PDE4C: variants seen among roughly 807,000 people sequenced by gnomAD.
PDE4C encodes the protein phosphodiesterase 4C.
PDE4C carries 50 observed loss-of-function variants against 63.9 expected under a neutral mutation model. The ratio of observed to expected loss-of-function variants is 0.78; its 90% CI spans 0.62 to 0.99. PDE4C has a LOEUF of 0.99. Ranked by LOEUF, PDE4C falls within the 50% of genes least tolerant of loss-of-function variation. PDE4C has a pLI of 0.00. For synonymous variants in PDE4C, 377 were observed against 385.1 expected, an observed-to-expected ratio of 0.98 and a Z score of 0.25; for missense variants, 777 against 899.1, an observed-to-expected ratio of 0.86 and a Z score of 1.74.
At chr19:18,224,145 C>G in intron 1 of PDE4C, 2 of 945,112 alleles carry the variant, frequency 2.1e-6, no homozygotes, top group Non-Finnish European at 2.5e-6. Context: ...ACCCTCAAAC[C>G]CTGTCTTTCC....
At chr19:18,245,384 C>A (rs934557645) in intron 1 of PDE4C, among the ~76,000 whole-genome samples, 6 of 152,020 alleles carry the variant, frequency 3.9e-5, no homozygotes, top group African/African-American at 1.4e-4. Flanking sequence ...AGGCTGGTCT[C>A]AAACTCCTGT....
At position 18,241,519 on chromosome 19, in the gene PDE4C, G is replaced by A. The variant is rs374994814; in HGVS notation, c.-210+6652C>T. Among the ~76,000 whole-genome samples the A allele has an allele frequency of 4.6e-4, 70 of 151,236 alleles. 1 individual carries two copies. The highest frequency in any genetic ancestry group is 1.6e-3 in the African/African-American group (65 of 41,150). ...CCTGACCTCATGATCTGCCCGCCTC[G>A]GCCTCCCAAAGTGCTGGGATTACAG... On this transcript the variant is annotated intron_variant, in intron 1 of 15. Coordinates refer to the PDE4C transcript ENST00000594617.
rs1969062426 is a variant in PDE4C at position 18,242,650 on chromosome 19, T to G, written c.-210+5521A>C. Among the ~76,000 whole-genome samples, 4 of 151,104 alleles carry G rather than the reference T, an allele frequency of 2.6e-5. No individual in the cohort carries two copies. The South Asian group carries it at 8.4e-4, about 32-fold the overall frequency. On this transcript the variant is annotated intron_variant, in intron 1 of 15. Transcript: ENST00000594617. ...TACAAAAAAAAATAGCCAGGCATGG[T>G]GGCATGGGGCAGTAATCCCAGCTAC...
chr19:18,217,809 A>G (rs951050151), intron 11 of PDE4C, among the ~76,000 whole-genome samples: 5 of 152,086 alleles, frequency 3.3e-5, no homozygotes, highest in African/African-American at 1.2e-4. Flanking sequence ...AGGCTAGACA[A>G]TCGCTTGAAC....
At chr19:18,238,086 A>G (rs528025187), upstream of PDE4C, among the ~76,000 whole-genome samples, 69 of 152,028 alleles carry the variant, frequency 4.5e-4, no homozygotes, top group African/African-American at 1.6e-3. Context: ...TTAGCCAGGC[A>G]TCGTGGTGTA....
At chr19:18,226,348 G>A (rs1171308021) in exon 1 of PDE4C, 2 of 1,527,084 alleles carry the variant, frequency 1.3e-6, no homozygotes, top group Non-Finnish European at 1.8e-6. Flanking sequence ...GAGCCCGGGG[G>A]AGCCGCGCGG....
upstream of PDE4C, among the ~76,000 whole-genome samples, chr19:18,249,566 C>T (rs1321730484): frequency 1.4e-5 from 2 of 143,524 alleles, no homozygotes; most frequent in Middle Eastern, 3.3e-3. Context: ...TAAGCCACTA[C>T]GCCTGGCCCT....
upstream of PDE4C, among the ~76,000 whole-genome samples, chr19:18,252,649 G>A (rs954445545): frequency 4.7e-5 from 7 of 148,858 alleles, no homozygotes; most frequent in Non-Finnish European, 8.9e-5. Context: ...ATGGCGTCTC[G>A]CTCTGTCACC....
Position 18,226,457 on chromosome 19 carries a change from G to A in PDE4C, c.-42C>T, listed in dbSNP as rs926399420. On this transcript the variant is annotated 5_prime_UTR_variant, in exon 1 of 15. Transcript: ENST00000262805. ...AGGCTGGACCGAGCGCCGGCTGCGC[G>A]GGACCTTTTCTGGACAGCTGCGGGG... The A allele has an allele frequency of 1.5e-6, 2 of 1,354,380 alleles. No individual in the cohort carries two copies. Among genetic ancestry groups the A allele is most frequent in the Non-Finnish European group, 1.9e-6 (2 of 1,058,570 alleles). The allele number at this position is 1,354,380 out of a possible 1,614,324, so 83.9% of individuals were successfully genotyped here.
chr19:18,249,032 A>C (rs1969191093), upstream of PDE4C, among the ~76,000 whole-genome samples: 1 of 151,230 alleles, frequency 6.6e-6, no homozygotes, highest in South Asian at 2.1e-4. Context: ...TCTTATTAAA[A>C]AAAAAAAAAA....
At chr19:18,241,562 C>T (rs182002918) in intron 1 of PDE4C, among the ~76,000 whole-genome samples, 20 of 149,644 alleles carry the variant, frequency 1.3e-4, no homozygotes, top group African/African-American at 2.5e-4. Flanking sequence ...CCACCGCGCC[C>T]GGCCAAGACA....
chr19:18,242,923 A>C (rs1040785619), intron 1 of PDE4C, among the ~76,000 whole-genome samples: 38 of 151,824 alleles, frequency 2.5e-4, no homozygotes, highest in Non-Finnish European at 4.0e-4. Flanking sequence ...CTACTTGGGG[A>C]TCACAGGAAG....
In PDE4C at chr19:18,218,195, G is replaced by A. The variant is rs540551599; in HGVS notation, c.1188C>T (p.His396=). 1.6e-5 allele frequency: 26 copies of A among 1,614,198 alleles called. No individual in the cohort carries two copies. In the Admixed American group the frequency reaches 1.7e-4, roughly 10 times the overall value. Residue 396 remains histidine (H), a synonymous_variant, in exon 11 of 15, where the codon CAC becomes CAT. Coordinates refer to ENST00000262805, the Ensembl canonical transcript of PDE4C. Reference sequence around the variant, plus strand: ...TGGAGACCCCAGGATGGTCCACGTCGTGGATGGCGCTTGCAAAGAGGGCAG... The same window carrying A: ...TGGAGACCCCAGGATGGTCCACGTCATGGATGGCGCTTGCAAAGAGGGCAG...
At chr19:18,244,076 G>C (rs1410039439) in intron 1 of PDE4C, among the ~76,000 whole-genome samples, 1 of 151,720 alleles carries the variant, frequency 6.6e-6, no homozygotes, top group African/African-American at 2.4e-5. Context: ...GTTTCACCCT[G>C]TTGGCCAGGC....
At chr19:18,215,316 T>G (rs1190319880) in intron 12 of PDE4C, among the ~76,000 whole-genome samples, 1 of 152,116 alleles carries the variant, frequency 6.6e-6, no homozygotes, top group Non-Finnish European at 1.5e-5. Flanking sequence ...GAAAGCACCT[T>G]GAACCTTCCT....
upstream of PDE4C, chr19:18,236,929 C>A (rs967935122): frequency 6.5e-6 from 1 of 152,746 alleles, no homozygotes; most frequent in East Asian, 1.9e-4. Context: ...GTACTGGGCT[C>A]GACCTCTCCA....
chr19:18,219,213 G>A, intron 8 of PDE4C, 21 bp downstream of exon 8: 1 of 1,614,012 alleles, frequency 6.2e-7, no homozygotes, highest in South Asian at 1.1e-5. Flanking sequence ...CTTGATCTTG[G>A]CATTGTGGTT....
chr19:18,237,666 A>T (rs953138483), upstream of PDE4C, among the ~76,000 whole-genome samples: 13 of 151,746 alleles, frequency 8.6e-5, no homozygotes, highest in African/African-American at 3.1e-4. Context: ...AGGTCAGGAG[A>T]TCAATACCAT....
intron 12 of PDE4C, 146 bp downstream of exon 12, chr19:18,216,595 T>G: frequency 1.3e-6 from 1 of 761,576 alleles, no homozygotes; most frequent in Non-Finnish European, 2.0e-6. Flanking sequence ...ATTTCACAGA[T>G]GAGGAAGCTC....
Sources: allele counts gnomAD v4.1 joint callset (sites outside exome capture counted in the v4.1 genomes callset), GRCh38; gene constraint gnomAD v4.1.1; transcripts MANE v1.5; gene names NCBI Gene and HGNC (gene_info 2026-07-23, HGNC 2026-07-21).